The following SRRM4 variants were observed in gnomAD, a reference collection of about 807,000 sequenced individuals.
SRRM4 encodes serine/arginine repetitive matrix protein 4.
A neutral mutation model predicts 68.9 loss-of-function variants in SRRM4; 33 were observed. The ratio of observed to expected loss-of-function variants is 0.48; its 90% CI spans 0.36 to 0.64. SRRM4 has a LOEUF of 0.64. Among genes scored for constraint, SRRM4 ranks in the 30% least tolerant of loss-of-function variants. The probability of loss-of-function intolerance (pLI) is 0.00; values close to 1 mark genes in which losing one functional copy is unlikely to be tolerated. For synonymous variants in SRRM4, 318 were observed against 318.8 expected (o/e 1.00, Z 0.03); for missense variants, 817 against 827.1 (o/e 0.99, Z 0.15).
chr12:119,083,263 T>C (rs1313188837), intron 1 of SRRM4, among the ~76,000 whole-genome samples: 1 of 152,006 alleles, frequency 6.6e-6, no homozygotes, highest in Non-Finnish European at 1.5e-5. Flanking sequence ...CTTACCTGAG[T>C]GTACTCCGGT....
intron 4 of SRRM4, among the ~76,000 whole-genome samples, chr12:119,117,537 T>G (rs1022619542): frequency 7.9e-5 from 12 of 152,062 alleles, no homozygotes; most frequent in Non-Finnish European, 1.2e-4. Flanking sequence ...TGCATGGGGA[T>G]GCAGTGACGG....
In SRRM4 at chr12:118,981,693, A is replaced by C; in HGVS notation, c.-190A>C. 1.6e-6 allele frequency: 1 copy of C among 617,612 alleles called. No individual in the cohort carries two copies. Among genetic ancestry groups the C allele is most frequent in the Non-Finnish European group, 2.8e-6 (1 of 363,208 alleles). 38.3% of individuals were successfully genotyped at this position (617,612 alleles called of 1,614,324 possible). A position where few individuals can be genotyped will look rare whatever the true frequency, so the allele number is the denominator to read the frequency against. On this transcript the variant is annotated 5_prime_UTR_variant, in exon 1 of 13. Transcript: ENST00000267260. ...AAGGGCGAAGAAAGCCCAGCGGACG[A>C]GCCTCCTTTCTCTGCTGCCTGCCCG...
At chr12:119,148,281 A>ACATCCAGCTTG (rs1261647950) in intron 9 of SRRM4, among the ~76,000 whole-genome samples, 5 of 152,174 alleles carry the variant, frequency 3.3e-5, no homozygotes, top group Non-Finnish European at 7.3e-5. Context: ...CCACATGCAG[A>ACATCCAGCTTG]ACTGCCTTCC....
At position 119,145,533 on chromosome 12, in the gene SRRM4, G is replaced by A. The variant is rs1429146830; in HGVS notation, c.924G>A (p.Glu308=). 6.2e-7 allele frequency: 1 copy of A among 1,608,782 alleles called. No individual in the cohort carries two copies. The highest frequency in any genetic ancestry group is 8.5e-7 in the Non-Finnish European group (1 of 1,177,058). Residue 308 remains glutamate, a synonymous_variant, in exon 9 of 13, where the codon GAG becomes GAA. Transcript: ENST00000267260. The stretch of plus-strand genomic sequence containing the variant: ...GCTCAGCCAGGTCTCGGGGCCAGGA[G>A]AAGGGGAGCCCCAGTGGGGGCTTGA... The part of the protein sequence containing the change: ...QTSSARSRGQ[E]KGSPSGGLSK...
intron 1 of SRRM4, among the ~76,000 whole-genome samples, chr12:119,100,699 T>C (rs1954073148): frequency 6.6e-6 from 1 of 152,168 alleles, no homozygotes. Context: ...AGGACAAGTA[T>C]GGGAAGAGGC....
At chr12:119,099,506 A>T (rs1036316712) in intron 1 of SRRM4, among the ~76,000 whole-genome samples, 1 of 152,228 alleles carries the variant, frequency 6.6e-6, no homozygotes, top group African/African-American at 2.4e-5. Context: ...TCTCACTTCG[A>T]GCAGATACCT....
At chr12:119,035,608 T>C (rs1953621666) in intron 1 of SRRM4, among the ~76,000 whole-genome samples, 2 of 152,194 alleles carry the variant, frequency 1.3e-5, no homozygotes, top group African/African-American at 4.8e-5. Flanking sequence ...AATTGATCCT[T>C]TATCATTTTC....
intron 2 of SRRM4, among the ~76,000 whole-genome samples, chr12:119,105,975 T>G (rs1205405980): frequency 2.0e-5 from 3 of 152,240 alleles, no homozygotes; most frequent in African/African-American, 7.2e-5. Context: ...CCATCTTGAA[T>G]TAATTTTTGT....
rs562699089 is a variant in SRRM4 at position 119,087,832 on chromosome 12, C to T, written c.132-14404C>T. ...TCTGGAGACCAGGCACACGCAGCCA[C>T]CTTTCCTTGAGAACACTGGGCTCCC... On this transcript the variant is annotated intron_variant, in intron 1 of 12. Coordinates refer to ENST00000267260, the MANE Select transcript of SRRM4 (RefSeq NM_194286.4). 2.2e-3 allele frequency among the ~76,000 whole-genome samples: 338 copies of T among 152,266 alleles called. 1 individual carries two copies. The highest frequency in any genetic ancestry group is 4.3e-3 in the Non-Finnish European group (295 of 68,026).
intron 2 of SRRM4, among the ~76,000 whole-genome samples, chr12:119,108,692 T>C (rs1001102354): frequency 2.0e-5 from 3 of 152,092 alleles, no homozygotes; most frequent in Admixed American, 1.3e-4. Context: ...CCTCCATCCC[T>C]TTATTTTGAG....
intron 5 of SRRM4, 55 bp from the exon 6 acceptor site, chr12:119,122,011 CTTGT>C: frequency 8.9e-7 from 1 of 1,125,212 alleles, no homozygotes. Context: ...ATTTTAACTA[CTTGT>C]TTATCTTTAA....
chr12:118,991,687 A>C (rs1953317902), intron 1 of SRRM4: 1 of 152,222 alleles, frequency 6.6e-6, no homozygotes. Flanking sequence ...TGGAATTGCC[A>C]ATATTCAAAA....
intron 1 of SRRM4, among the ~76,000 whole-genome samples, chr12:119,071,608 C>T (rs1953878325): frequency 6.6e-6 from 1 of 152,182 alleles, no homozygotes; most frequent in Non-Finnish European, 1.5e-5. Context: ...TCCATTAAGA[C>T]ACAAGACACT....
At chr12:119,078,047 T>C (rs866412003) in intron 1 of SRRM4, among the ~76,000 whole-genome samples, 6 of 152,296 alleles carry the variant, frequency 3.9e-5, no homozygotes, top group South Asian at 4.1e-4. Flanking sequence ...TCACTGGGTC[T>C]GCCTGTGGGT....
intron 1 of SRRM4, among the ~76,000 whole-genome samples, chr12:119,084,979 C>A (rs1232767408): frequency 6.6e-6 from 1 of 152,200 alleles, no homozygotes; most frequent in Admixed American, 6.5e-5. Context: ...TGGCTCACTG[C>A]AACCTTCGCC....
At chr12:119,114,955 C>T (rs1472882448) in intron 3 of SRRM4, among the ~76,000 whole-genome samples, 1 of 151,692 alleles carries the variant, frequency 6.6e-6, no homozygotes, top group Non-Finnish European at 1.5e-5. Context: ...TGAACCACCG[C>T]GCCTGGCCGG....
At chr12:119,050,102 C>T (rs541089579) in intron 1 of SRRM4, among the ~76,000 whole-genome samples, 35 of 152,136 alleles carry the variant, frequency 2.3e-4, no homozygotes, top group Admixed American at 5.2e-4. Flanking sequence ...CTGGGCCAAT[C>T]GTGCACTCTT....
At chr12:119,117,596 G>GCGCACACACA (rs1555219575) in intron 4 of SRRM4, among the ~76,000 whole-genome samples, 2 of 150,296 alleles carry the variant, frequency 1.3e-5, no homozygotes, top group Non-Finnish European at 3.0e-5. Flanking sequence ...TGTTCACTGT[G>GCGCACACACA]CACACACACA....
At chr12:119,062,861 CA>C (rs1232250111) in intron 1 of SRRM4, among the ~76,000 whole-genome samples, 1 of 152,186 alleles carries the variant, frequency 6.6e-6, no homozygotes, top group Non-Finnish European at 1.5e-5. Context: ...ATGGGCCTAC[CA>C]GATTCATGGC....
Sources: gnomAD v4.1 joint callset for allele counts (sites outside exome capture counted in the v4.1 genomes callset) on GRCh38, gnomAD v4.1.1 for gene constraint, MANE v1.5 for transcripts, NCBI Gene and HGNC (gene_info 2026-07-23, HGNC 2026-07-21) for gene names.